Variants in CDON observed in about 807,000 individuals in gnomAD.
The protein encoded by CDON is cell adhesion molecule-related/down-regulated by oncogenes.
A neutral mutation model predicts 120.9 loss-of-function variants in CDON; 73 were observed. That is an observed-to-expected ratio of 0.60 (90% CI 0.50 to 0.73). CDON has a LOEUF of 0.73. Ranked by LOEUF, CDON falls within the 30% of genes least tolerant of loss-of-function variation. The pLI, the probability that CDON is intolerant of heterozygous loss-of-function variation, is 0.00. For missense variants in CDON, 1,470 were observed against 1,587.3 expected (o/e 0.93, Z 1.26); for synonymous variants, 566 against 573.5 (o/e 0.99, Z 0.19).
chr11:126,052,165 G>T (rs534017901), intron 1 of CDON, among the ~76,000 whole-genome samples: 15 of 152,198 alleles, frequency 9.9e-5, no homozygotes, highest in Non-Finnish European at 1.3e-4. Context: ...TTATACAAAA[G>T]ACCTACATAC....
intron 15 of CDON, among the ~76,000 whole-genome samples, chr11:125,987,057 T>A (rs1450922407): frequency 1.3e-5 from 2 of 152,258 alleles, no homozygotes; most frequent in Non-Finnish European, 2.9e-5. Flanking sequence ...CCGTATCATA[T>A]ATTAAAGATC....
rs1945605974 is a variant in CDON, at chr11:125,960,264, G to A, written c.*678C>T. 1 of 152,768 alleles carries A rather than the reference G, an allele frequency of 6.5e-6. No individual in the cohort carries two copies. The allele number at this position is 152,768 out of a possible 1,614,324, so 9.5% of individuals were successfully genotyped here. A position where few individuals can be genotyped will look rare whatever the true frequency, so the allele number is the denominator to read the frequency against. On this transcript the variant is annotated 3_prime_UTR_variant, in exon 20 of 20. Transcript: ENST00000531738. ...CGCCTGTAATCCTCGCACTTTGGGAGGCGGAGGCGGGTGGATCACTTGAGG... is the reference window on the plus strand; with the variant it reads ...CGCCTGTAATCCTCGCACTTTGGGAAGCGGAGGCGGGTGGATCACTTGAGG...
Position 126,010,237 on chromosome 11 carries a change from T to G in CDON, c.1552+104A>C, listed in dbSNP as rs1591381810. On this transcript the variant is annotated intron_variant, in intron 8 of 19. Coordinates refer to ENST00000531738, the MANE Select transcript of CDON (RefSeq NM_001378964.1). The stretch of plus-strand genomic sequence containing the variant: ...ATTTCACTGTCATCAGGAAAAAATA[T>G]AGAGAGATTGCTGGATTCATTAAAA... 10 of 837,924 alleles carry G rather than the reference T, an allele frequency of 1.2e-5. No homozygotes were observed. In the East Asian group the frequency reaches 2.1e-4, roughly 18 times the overall value. 51.9% of individuals were successfully genotyped at this position (837,924 alleles called of 1,614,324 possible).
At chr11:125,989,804 GATA>G in intron 14 of CDON, 45 bp from the exon 15 acceptor site, 1 of 1,569,548 alleles carries the variant, frequency 6.4e-7, no homozygotes, top group Non-Finnish European at 8.7e-7. Flanking sequence ...CAGCCTAAAT[GATA>G]ATGTCAATAT....
chr11:126,001,850 T>C lies in CDON; in HGVS notation c.2027A>G (p.Glu676Gly), dbSNP rs1946956107. 1.3e-6 allele frequency: 2 copies of C among 1,593,406 alleles called. No homozygotes were observed. The highest frequency in any genetic ancestry group is 1.7e-6 in the Non-Finnish European group (2 of 1,160,934). Residue 676 changes from glutamate (E) to glycine (G), a missense_variant and splice_region_variant, in exon 11 of 20, where the codon GAA (glutamate) becomes GGA (glycine). Transcript: ENST00000531738. ...PAMLTFRTSK[E>G]KTASSKNTQA... ...GGTGTTTTTTGATGACGCTGTTTTTTCTAGAAAGGTAAATAAACATATACA... is the reference window on the plus strand; with the variant it reads ...GGTGTTTTTTGATGACGCTGTTTTTCCTAGAAAGGTAAATAAACATATACA...
At chr11:126,042,815 G>C (rs2134847734) in intron 1 of CDON, among the ~76,000 whole-genome samples, 1 of 152,220 alleles carries the variant, frequency 6.6e-6, no homozygotes, top group South Asian at 2.1e-4. Flanking sequence ...TAGAGACCGG[G>C]TTTCACCGTG....
At chr11:125,972,928 C>A (rs149719893) in intron 18 of CDON, among the ~76,000 whole-genome samples, 2 of 151,684 alleles carry the variant, frequency 1.3e-5, no homozygotes, top group East Asian at 3.9e-4. Flanking sequence ...TCATCTCCTG[C>A]AGTGTTCTCT....
Position 126,015,236 on chromosome 11 carries a change from C to G in CDON, c.1198+5G>C. ...TCTTATGACTGGCACGACCTAAAAG[C>G]CTACCATTTTCAATTTCAAGTCTTC... On this transcript the variant is annotated splice_donor_5th_base_variant and intron_variant, in intron 7 of 19. Transcript: ENST00000531738. 6.2e-7 allele frequency: 1 copy of G among 1,613,632 alleles called. No individual in the cohort carries two copies. The highest frequency in any genetic ancestry group is 1.3e-5 in the African/African-American group (1 of 75,014).
rs10588981 is a variant in CDON at position 126,029,555 on chromosome 11, C to CAT, written c.-61-6020_-61-6019dup. ...CTTACTGCTTTTCTTGTCCATGTAA[C>CAT]ATATATATATATATATGTATCTCTA... On this transcript the variant is annotated intron_variant, in intron 1 of 19. Coordinates refer to ENST00000531738, the MANE Select transcript of CDON (RefSeq NM_001378964.1). Among the ~76,000 whole-genome samples, 252 of 150,738 alleles carry CAT rather than the reference C, an allele frequency of 1.7e-3. 3 individuals are homozygous for CAT. Among genetic ancestry groups the CAT allele is most frequent in the Admixed American group, 2.8e-3 (42 of 15,112 alleles).
intron 16 of CDON, 27 bp from the exon 17 acceptor site, chr11:125,981,356 A>ACACGCACACACACACACG: frequency 2.2e-6 from 3 of 1,363,386 alleles, no homozygotes; most frequent in Admixed American, 3.6e-5. Context: ...AAAAAGACAC[A>ACACGCACACACACACACG]CACGCACACA....
At chr11:125,967,258 A>G (rs1159359757) in intron 18 of CDON, among the ~76,000 whole-genome samples, 1 of 152,256 alleles carries the variant, frequency 6.6e-6, no homozygotes, top group African/African-American at 2.4e-5. Flanking sequence ...CCTAATTCAC[A>G]TTAAACTCTA....
At chr11:126,040,684 C>G (rs886906481) in intron 1 of CDON, among the ~76,000 whole-genome samples, 11 of 151,054 alleles carry the variant, frequency 7.3e-5, no homozygotes, top group South Asian at 2.1e-4. Flanking sequence ...GCCTGGTGGC[C>G]GGCGCCTGTA....
At chr11:126,063,009 G>C (rs964093960), upstream of CDON, among the ~76,000 whole-genome samples, 2 of 151,748 alleles carry the variant, frequency 1.3e-5, no homozygotes, top group African/African-American at 4.8e-5. Flanking sequence ...CGTAGAGGCC[G>C]CTGTGCCCCG....
At chr11:125,989,232 A>G (rs911618188) in intron 15 of CDON, among the ~76,000 whole-genome samples, 1 of 152,188 alleles carries the variant, frequency 6.6e-6, no homozygotes. Flanking sequence ...AAACTTCCTT[A>G]GGCAAATACA....
chr11:126,005,721 G>A, intron 9 of CDON, 38 bp downstream of exon 9: 6 of 1,582,722 alleles, frequency 3.8e-6, no homozygotes, highest in Non-Finnish European at 5.2e-6. Flanking sequence ...GAACGTTCAG[G>A]TGTGAGCCGA....
chr11:126,029,581 T>C (rs1947893649), intron 1 of CDON, among the ~76,000 whole-genome samples: 1 of 152,176 alleles, frequency 6.6e-6, no homozygotes, highest in Non-Finnish European at 1.5e-5. Flanking sequence ...TGTATCTCTA[T>C]TTCCCTAATC....
chr11:126,047,040 ATT>A (rs1262845225), intron 1 of CDON, among the ~76,000 whole-genome samples: 1 of 152,230 alleles, frequency 6.6e-6, no homozygotes, highest in Non-Finnish European at 1.5e-5. Flanking sequence ...CGATGACAAC[ATT>A]CATACTTTTG....
chr11:125,995,992 G>A (rs756105942), intron 12 of CDON, among the ~76,000 whole-genome samples: 2 of 152,172 alleles, frequency 1.3e-5, no homozygotes, highest in Non-Finnish European at 2.9e-5. Flanking sequence ...CTTGTGGGGA[G>A]GGGAGGGTTC....
At chr11:126,059,481 C>T (rs1405443628) in intron 1 of CDON, among the ~76,000 whole-genome samples, 2 of 118,016 alleles carry the variant, frequency 1.7e-5, no homozygotes, top group East Asian at 5.2e-4. Flanking sequence ...ACCCCCTCAA[C>T]CCCCCCTGCC....
Sources: gnomAD v4.1 joint callset for allele counts (sites outside exome capture counted in the v4.1 genomes callset) on GRCh38, gnomAD v4.1.1 for gene constraint, MANE v1.5 for transcripts, NCBI Gene and HGNC (gene_info 2026-07-23, HGNC 2026-07-21) for gene names.